Variants in ADAMTS20 observed in about 807,000 individuals in gnomAD.
ADAMTS20 encodes the protein ADAM metallopeptidase with thrombospondin type 1 motif 20, also known as A disintegrin and metalloproteinase with thrombospondin motifs 20.
In ADAMTS20, 225 loss-of-function variants were observed where a neutral mutation model predicts 260.1. The observed-to-expected ratio is 0.87, with a 90% confidence interval of 0.78 to 0.97. The LOEUF (loss-of-function observed/expected upper bound fraction) is 0.97, where lower values mean the gene tolerates loss of function less well. Among genes scored for constraint, ADAMTS20 ranks in the 50% least tolerant of loss-of-function variants. ADAMTS20 has a pLI of 0.00. For synonymous variants in ADAMTS20, 802 were observed against 769.5 expected (o/e 1.04, Z -0.70); for missense variants, 2,400 against 2,337.7 (o/e 1.03, Z -0.55).
rs1175414382 is a variant in ADAMTS20 at position 43,432,393 on chromosome 12, C to T, written c.3007G>A (p.Asp1003Asn). The T allele has an allele frequency of 6.2e-7, 1 of 1,613,646 alleles. No individual in the cohort carries two copies. Among genetic ancestry groups the T allele is most frequent in the East Asian group, 2.2e-5 (1 of 44,852 alleles). The change falls in exon 21 of 39, where the codon GAC becomes AAC. Residue 1003 changes from aspartate (D) to asparagine (N), a missense_variant. Physicochemically the swap from Asp to Asn is conservative, Grantham distance 23. Transcript: ENST00000389420. ...CMNNFGHRLA[D>N]NECQELSRVT... Reference sequence around the variant, plus strand: ...CGGGACAGTTCTTGGCATTCATTGTCAGCAAGACGATGGCCAAAGTTATTC... The same window carrying T: ...CGGGACAGTTCTTGGCATTCATTGTTAGCAAGACGATGGCCAAAGTTATTC...
At chr12:43,550,588 C>CCTG (rs1943498255) in intron 2 of ADAMTS20, among the ~76,000 whole-genome samples, 1 of 152,176 alleles carries the variant, frequency 6.6e-6, no homozygotes. Flanking sequence ...AGTCAAACAG[C>CCTG]CTGCCCTCCA....
chr12:43,464,032 T>C (rs777717918), intron 10 of ADAMTS20, among the ~76,000 whole-genome samples: 2 of 151,986 alleles, frequency 1.3e-5, no homozygotes, highest in Non-Finnish European at 2.9e-5. Context: ...TAAAAGAAAA[T>C]CATAATTATA....
Position 43,432,422 on chromosome 12 carries a change from C to CA in ADAMTS20, c.2977dup (p.Cys993LeufsTer4), listed in dbSNP as rs770457272. The CA allele has an allele frequency of 6.2e-7, 1 of 1,612,806 alleles. No homozygotes were observed. The highest frequency in any genetic ancestry group is 1.7e-5 in the Admixed American group (1 of 59,886). On this transcript the variant is annotated frameshift_variant, in exon 21 of 39. Coordinates refer to ENST00000389420, the MANE Select transcript of ADAMTS20 (RefSeq NM_025003.5). LOFTEE classifies it high-confidence loss of function. ...AAGACGATGGCCAAAGTTATTCATA[C>CA]AATAAGATTCTCGAGACCTTTCCCC...
At chr12:43,412,288 TA>T (rs1040235907) in intron 28 of ADAMTS20, among the ~76,000 whole-genome samples, 1 of 152,212 alleles carries the variant, frequency 6.6e-6, no homozygotes, top group African/African-American at 2.4e-5. Context: ...ATCCTACACT[TA>T]CTCTTCAGTA....
At chr12:43,461,522 CTT>C (rs1276046503) in intron 11 of ADAMTS20, among the ~76,000 whole-genome samples, 2 of 152,086 alleles carry the variant, frequency 1.3e-5, no homozygotes, top group Non-Finnish European at 2.9e-5. Flanking sequence ...ATCAATCACA[CTT>C]TTGCCACGAG....
At chr12:43,488,713 G>A (rs1475282122) in intron 7 of ADAMTS20, among the ~76,000 whole-genome samples, 1 of 152,128 alleles carries the variant, frequency 6.6e-6, no homozygotes, top group Non-Finnish European at 1.5e-5. Context: ...AATAAACAAT[G>A]TGCATAGTGT....
chr12:43,438,833 C>G (rs1941605341), intron 18 of ADAMTS20, among the ~76,000 whole-genome samples: 1 of 152,150 alleles, frequency 6.6e-6, no homozygotes, highest in South Asian at 2.1e-4. Flanking sequence ...GCTTCAGTCT[C>G]CTCAAAAACT....
intron 11 of ADAMTS20, among the ~76,000 whole-genome samples, chr12:43,456,807 T>C (rs1941972424): frequency 6.6e-6 from 1 of 151,784 alleles, no homozygotes; most frequent in African/African-American, 2.4e-5. Context: ...CAAGCCAGAG[T>C]GGCGGGGTGA....
chr12:43,392,838 C>T (rs1171675981), intron 29 of ADAMTS20, among the ~76,000 whole-genome samples: 1 of 152,072 alleles, frequency 6.6e-6, no homozygotes, highest in Non-Finnish European at 1.5e-5. Flanking sequence ...ACTATTTTCT[C>T]TGCATATTCT....
In ADAMTS20 at chr12:43,429,667, T is replaced by C. The variant is rs374046500; in HGVS notation, c.3439A>G (p.Thr1147Ala). Residue 1147 changes from threonine (T) to alanine (A), a missense_variant, in exon 24 of 39, where the codon ACT (threonine) becomes GCT (alanine). Thr to Ala is a moderately conservative substitution (Grantham distance 58). Coordinates refer to ENST00000389420, the MANE Select transcript of ADAMTS20 (RefSeq NM_025003.5). Reference sequence around the variant, plus strand: ...TGTGCCATCTTTTTTATGAGAACAGTTGGTAATAAAGCGGTCTCAAGTTTA... The same window carrying C: ...TGTGCCATCTTTTTTATGAGAACAGCTGGTAATAAAGCGGTCTCAAGTTTA... ...ISKLETALLP[T>A]VLIKKMAQWR... The C allele has an allele frequency of 3.7e-6, 6 of 1,600,704 alleles. No individual in the cohort carries two copies. Among genetic ancestry groups the C allele is most frequent in the South Asian group, 1.1e-5 (1 of 88,486 alleles).
chr12:43,518,032 A>G (rs915878371), intron 3 of ADAMTS20, among the ~76,000 whole-genome samples: 1 of 152,084 alleles, frequency 6.6e-6, no homozygotes, highest in Non-Finnish European at 1.5e-5. Flanking sequence ...GTTTCAAATT[A>G]TTGATAAATC....
In ADAMTS20 at chr12:43,431,395, A is replaced by T; in HGVS notation, c.3198T>A (p.Pro1066=). 2 of 1,613,964 alleles carry T rather than the reference A, an allele frequency of 1.2e-6. No individual in the cohort carries two copies. Among genetic ancestry groups the T allele is most frequent in the Non-Finnish European group, 1.7e-6 (2 of 1,179,866 alleles). The change falls in exon 22 of 39, where the codon CCT becomes CCA. Residue 1066 remains proline, a synonymous_variant. Coordinates refer to ENST00000389420, the MANE Select transcript of ADAMTS20 (RefSeq NM_025003.5). ...GAAGTTCACATGGACTCAGAGATTCAGGTTTGGTACTTGAATTACAGAAGC... is the reference window on the plus strand; with the variant it reads ...GAAGTTCACATGGACTCAGAGATTCTGGTTTGGTACTTGAATTACAGAAGC... ...SDGFCNSSTK[P]ESLSPCELHT...
At chr12:43,445,085 C>A (rs187341842) in intron 15 of ADAMTS20, among the ~76,000 whole-genome samples, 2 of 151,986 alleles carry the variant, frequency 1.3e-5, no homozygotes, top group African/African-American at 2.4e-5. Context: ...ATATTTTTTT[C>A]AAGAAAGCAA....
Position 43,356,531 on chromosome 12 carries a change from A to G in ADAMTS20, c.5596T>C (p.Trp1866Arg). ...TGMKISSTAK[W>R]LTQGSYTSVS... ...GAGGTATAACTCCCCTGAGTGAGCC[A>G]CTTTGCTGTGCTGGATATCTTCATC... is the stretch of plus-strand genomic sequence containing the variant. The change falls in exon 38 of 39, where the codon TGG becomes CGG. Residue 1866 changes from tryptophan to arginine, a missense_variant. Physicochemically the swap from Trp to Arg is moderately radical, Grantham distance 101. Coordinates refer to ENST00000389420, the MANE Select transcript of ADAMTS20 (RefSeq NM_025003.5). The G allele has an allele frequency of 6.2e-7, 1 of 1,612,026 alleles. No homozygotes were observed. Among genetic ancestry groups the G allele is most frequent in the Non-Finnish European group, 8.5e-7 (1 of 1,178,986 alleles).
At chr12:43,536,010 A>T (rs1943289792) in intron 2 of ADAMTS20, among the ~76,000 whole-genome samples, 1 of 152,144 alleles carries the variant, frequency 6.6e-6, no homozygotes, top group Non-Finnish European at 1.5e-5. Flanking sequence ...AGGCTAAGTC[A>T]TCCAAGGGAG....
At chr12:43,496,503 T>C (rs953919996) in intron 4 of ADAMTS20, among the ~76,000 whole-genome samples, 2 of 152,212 alleles carry the variant, frequency 1.3e-5, no homozygotes, top group Non-Finnish European at 2.9e-5. Flanking sequence ...GCCACTGGTA[T>C]TGTCCTGTTA....
At chr12:43,451,310 A>C (rs1325871754) in intron 14 of ADAMTS20, among the ~76,000 whole-genome samples, 2 of 152,092 alleles carry the variant, frequency 1.3e-5, no homozygotes, top group East Asian at 3.9e-4. Flanking sequence ...CATTCTCAAG[A>C]CTGCCATTGC....
intron 3 of ADAMTS20, among the ~76,000 whole-genome samples, chr12:43,521,411 T>C (rs1249863709): frequency 3.9e-5 from 6 of 152,156 alleles, no homozygotes; most frequent in Non-Finnish European, 8.8e-5. Context: ...ATTTTCCAAA[T>C]AGATTACTCA....
chr12:43,401,745 T>C (rs941094427), intron 28 of ADAMTS20, among the ~76,000 whole-genome samples: 1 of 151,060 alleles, frequency 6.6e-6, no homozygotes, highest in Admixed American at 6.6e-5. Context: ...TTTATGCTTT[T>C]TTTTTTGCTC....
Sources: allele counts gnomAD v4.1 joint callset (sites outside exome capture counted in the v4.1 genomes callset), GRCh38; gene constraint gnomAD v4.1.1; transcripts MANE v1.5; gene names NCBI Gene and HGNC (gene_info 2026-07-23, HGNC 2026-07-21).